SPON1: variants seen among roughly 807,000 people sequenced by gnomAD.
SPON1 encodes the protein spondin-1.
A neutral mutation model predicts 111.7 loss-of-function variants in SPON1; 52 were observed. The observed-to-expected ratio is 0.47, with a 90% CI of 0.37 to 0.59. The LOEUF is 0.59. Ranked by LOEUF, SPON1 falls within the 20% of genes least tolerant of loss-of-function variation. The pLI, the probability that SPON1 is intolerant of heterozygous loss-of-function variation, is 0.00. For missense variants in SPON1, 957 were observed against 1,068.5 expected (o/e 0.90, Z 1.46); for synonymous variants, 410 against 395.8 (o/e 1.04, Z -0.43).
intron 6 of SPON1, among the ~76,000 whole-genome samples, chr11:14,150,609 A>G (rs1554929838): frequency 1.3e-5 from 2 of 152,186 alleles, no homozygotes; most frequent in African/African-American, 4.8e-5. Context: ...ATAATAATAA[A>G]AGATAAAAGA....
At chr11:14,216,162 C>T (rs181418988) in intron 6 of SPON1, among the ~76,000 whole-genome samples, 1 of 152,134 alleles carries the variant, frequency 6.6e-6, no homozygotes, top group African/African-American at 2.4e-5. Context: ...TGGAAAGATG[C>T]ACATACAGGA....
intron 2 of SPON1, among the ~76,000 whole-genome samples, chr11:13,990,495 A>G (rs1325134715): frequency 6.7e-6 from 1 of 149,414 alleles, no homozygotes; most frequent in South Asian, 2.1e-4. Context: ...TCCTGAATAC[A>G]GCACACTGAT....
intron 5 of SPON1, among the ~76,000 whole-genome samples, chr11:14,125,530 T>C (rs782618530): frequency 6.6e-6 from 1 of 152,196 alleles, no homozygotes; most frequent in Non-Finnish European, 1.5e-5. Context: ...TGAAAAGTAC[T>C]ATGGGTGAGG....
intron 14 of SPON1, 43 bp downstream of exon 14, chr11:14,260,795 T>A: frequency 6.3e-7 from 1 of 1,591,416 alleles, no homozygotes; most frequent in Admixed American, 1.7e-5. Context: ...TCTATGTTCC[T>A]GAGTCCAGGG....
intron 3 of SPON1, among the ~76,000 whole-genome samples, chr11:14,068,596 G>A (rs1848851144): frequency 6.6e-6 from 1 of 152,172 alleles, no homozygotes; most frequent in East Asian, 1.9e-4. Context: ...TCTTTTAGGT[G>A]TGCAGCTCTA....
At chr11:13,970,891 A>G (rs562548449) in intron 1 of SPON1, among the ~76,000 whole-genome samples, 188 of 152,384 alleles carry the variant, frequency 1.2e-3, no homozygotes, top group African/African-American at 4.4e-3. Context: ...TACAGCTAGA[A>G]TACAAGCTTT....
chr11:14,040,192 G>A (rs1848622104), intron 2 of SPON1, among the ~76,000 whole-genome samples: 1 of 152,184 alleles, frequency 6.6e-6, no homozygotes, highest in Non-Finnish European at 1.5e-5. Flanking sequence ...ACAGCAGCAT[G>A]AGGTTCTTCA....
In SPON1 at chr11:14,266,409, A is replaced by T. The variant is rs946251470; in HGVS notation, c.*722A>T. ...GAGATAAATAATAAGCTTAGAGTGT[A>T]TTTTTCCCTTGCTTTTGGGGGTTCA... is the stretch of plus-strand genomic sequence containing the variant. On this transcript the variant is annotated 3_prime_UTR_variant, in exon 16 of 16. Transcript: ENST00000576479. 2.0e-5 allele frequency: 3 copies of T among 152,052 alleles called. No homozygotes were observed. The highest frequency in any genetic ancestry group is 4.8e-5 in the African/African-American group (2 of 41,370). 9.4% of individuals were successfully genotyped at this position (152,052 alleles called of 1,614,324 possible).
chr11:14,159,424 T>C (rs1847884978), intron 6 of SPON1, among the ~76,000 whole-genome samples: 1 of 152,074 alleles, frequency 6.6e-6, no homozygotes, highest in African/African-American at 2.4e-5. Context: ...CCTCATACAC[T>C]GTTGGTGGGA....
intron 6 of SPON1, among the ~76,000 whole-genome samples, chr11:14,173,799 A>G (rs1201188140): frequency 2.0e-5 from 3 of 152,168 alleles, no homozygotes; most frequent in African/African-American, 7.2e-5. Flanking sequence ...GTGGCTGCAG[A>G]ACAGCGGATA....
chr11:13,972,014 C>T (rs1848066859), intron 1 of SPON1, among the ~76,000 whole-genome samples: 1 of 152,168 alleles, frequency 6.6e-6, no homozygotes, highest in Non-Finnish European at 1.5e-5. Flanking sequence ...ATAAGGTCTC[C>T]CCTGGGCCAT....
chr11:14,259,170 T>G lies in SPON1; in HGVS notation c.1493-110T>G, dbSNP rs1482101156. 5 of 1,266,686 alleles carry G rather than the reference T, an allele frequency of 3.9e-6. No homozygotes were observed. 78.5% of individuals were successfully genotyped at this position (1,266,686 alleles called of 1,614,324 possible). A position where few individuals can be genotyped will look rare whatever the true frequency, so the allele number is the denominator to read the frequency against. ...AGACCTCTTAGGTGTGCAGACAACC[T>G]CAACTGCCTGACTCCTCTTGATTCC... On this transcript the variant is annotated intron_variant, in intron 11 of 15. Coordinates refer to ENST00000576479, the MANE Select transcript of SPON1 (RefSeq NM_006108.4). The surrounding 1 kb of genome is among the most constrained non-coding windows in gnomAD (Gnocchi z 5.0).
chr11:14,203,769 A>G (rs987167707), intron 6 of SPON1, among the ~76,000 whole-genome samples: 1 of 152,176 alleles, frequency 6.6e-6, no homozygotes, highest in Non-Finnish European at 1.5e-5. Flanking sequence ...ATAGATACAC[A>G]CAGGATACAC....
intron 2 of SPON1, among the ~76,000 whole-genome samples, chr11:14,024,738 G>A (rs1418681788): frequency 1.3e-5 from 2 of 152,218 alleles, no homozygotes; most frequent in Admixed American, 6.5e-5. Context: ...AGGTCCATGG[G>A]CACAGGCCCA....
At position 14,036,163 on chromosome 11, in the gene SPON1, T is replaced by G. The variant is rs1554916608; in HGVS notation, c.346-5358T>G. ...ATTTCAGTCTTGATTCTGAAAGCAA[T>G]GAAAAGCTGTTGAAATACTCTGAGG... On this transcript the variant is annotated intron_variant, in intron 2 of 15. Transcript: ENST00000576479. Among the ~76,000 whole-genome samples, 8 of 152,284 alleles carry G rather than the reference T, an allele frequency of 5.3e-5. No homozygotes were observed. In the South Asian group the frequency reaches 1.7e-3, roughly 32 times the overall value.
intron 6 of SPON1, among the ~76,000 whole-genome samples, chr11:14,175,156 T>A (rs1229320464): frequency 6.6e-6 from 1 of 152,174 alleles, no homozygotes; most frequent in Non-Finnish European, 1.5e-5. Flanking sequence ...GATAAAGCCT[T>A]AGCTACTGAG....
rs1234872986 is a variant in SPON1 at position 14,259,044 on chromosome 11, C to T, written c.1493-236C>T. On this transcript the variant is annotated intron_variant, in intron 11 of 15. Transcript: ENST00000576479. The surrounding 1 kb of genome is among the most constrained non-coding windows in gnomAD (Gnocchi z 5.0). The stretch of plus-strand genomic sequence containing the variant: ...AACACCATCCTTTCCATACAAGCAT[C>T]TTTCGAATGTATTTTCATGAGATAA... Among the ~76,000 whole-genome samples, 2 of 152,246 alleles carry T rather than the reference C, an allele frequency of 1.3e-5. No homozygotes were observed. Among genetic ancestry groups the T allele is most frequent in the Non-Finnish European group, 2.9e-5 (2 of 68,040 alleles).
chr11:14,133,480 A>G, intron 5 of SPON1, among the ~76,000 whole-genome samples: 1 of 152,188 alleles, frequency 6.6e-6, no homozygotes, highest in East Asian at 1.9e-4. Context: ...ATAAAGGAGG[A>G]ATGGGAGTTG....
At chr11:13,984,534 A>G (rs1218909839) in intron 2 of SPON1, among the ~76,000 whole-genome samples, 1 of 151,940 alleles carries the variant, frequency 6.6e-6, no homozygotes, top group African/African-American at 2.4e-5. Context: ...TAACAAATCC[A>G]CTCTCAAGAT....
Sources: allele counts gnomAD v4.1 joint callset (sites outside exome capture counted in the v4.1 genomes callset), GRCh38; gene constraint gnomAD v4.1.1; non-coding constraint Gnocchi (gnomAD v3.1); transcripts MANE v1.5; gene names NCBI Gene and HGNC (gene_info 2026-07-23, HGNC 2026-07-21).